Variants in NXPH1 observed in about 807,000 individuals in gnomAD.
NXPH1 encodes the protein neurexophilin-1.
NXPH1 carries 5 observed loss-of-function variants against 23.7 expected under a neutral mutation model. The ratio of observed to expected loss-of-function variants is 0.21; its 90% CI spans 0.11 to 0.44. The LOEUF is 0.44. Ranked by LOEUF, NXPH1 falls within the 20% of genes least tolerant of loss-of-function variation. The probability of loss-of-function intolerance (pLI) is 0.99; values close to 1 mark genes in which losing one functional copy is unlikely to be tolerated. For missense variants in NXPH1, 324 were observed against 321.6 expected, an observed-to-expected ratio of 1.01 and a Z score of -0.06; for synonymous variants, 144 against 122.2, an observed-to-expected ratio of 1.18 and a Z score of -1.18.
intron 2 of NXPH1, among the ~76,000 whole-genome samples, chr7:8,635,430 C>A (rs988610471): frequency 6.6e-6 from 1 of 152,166 alleles, no homozygotes; most frequent in Non-Finnish European, 1.5e-5. Context: ...TGCATTCAAT[C>A]TCTTGGGCAC....
chr7:8,482,289 C>T (rs1817086977), intron 2 of NXPH1, among the ~76,000 whole-genome samples: 1 of 152,162 alleles, frequency 6.6e-6, no homozygotes, highest in Admixed American at 6.5e-5. Context: ...TCTGATTGTG[C>T]CTCAGTGAAT....
At chr7:8,688,811 T>C (rs1821185480) in intron 2 of NXPH1, among the ~76,000 whole-genome samples, 1 of 152,182 alleles carries the variant, frequency 6.6e-6, no homozygotes, top group Non-Finnish European at 1.5e-5. Context: ...AGTTAATAAT[T>C]AGGATTTCAA....
At chr7:8,667,286 G>A (rs1290642101) in intron 2 of NXPH1, among the ~76,000 whole-genome samples, 1 of 151,944 alleles carries the variant, frequency 6.6e-6, no homozygotes, top group Non-Finnish European at 1.5e-5. Context: ...AGATGATTGT[G>A]TGTTATACAT....
chr7:8,742,713 A>T (rs570005497), intron 2 of NXPH1, among the ~76,000 whole-genome samples: 6 of 152,294 alleles, frequency 3.9e-5, no homozygotes, highest in African/African-American at 1.2e-4. Context: ...GCAAGGAAGC[A>T]GGGGTTGATG....
chr7:8,480,154 T>TTTTG (rs1817048986), intron 2 of NXPH1, among the ~76,000 whole-genome samples: 1 of 152,142 alleles, frequency 6.6e-6, no homozygotes, highest in Non-Finnish European at 1.5e-5. Flanking sequence ...TAGGTCTATA[T>TTTTG]TTTGATATAG....
At chr7:8,709,897 T>A (rs191651677) in intron 2 of NXPH1, among the ~76,000 whole-genome samples, 2 of 152,344 alleles carry the variant, frequency 1.3e-5, no homozygotes, top group East Asian at 3.9e-4. Flanking sequence ...AGCCAAGTAG[T>A]TGAACTTACT....
intron 2 of NXPH1, among the ~76,000 whole-genome samples, chr7:8,455,982 C>T (rs1816586627): frequency 6.6e-6 from 1 of 152,110 alleles, no homozygotes; most frequent in South Asian, 2.1e-4. Context: ...CTTGCAAGGT[C>T]ATTAGGCAAT....
intron 2 of NXPH1, among the ~76,000 whole-genome samples, chr7:8,723,387 G>A (rs148901923): frequency 6.6e-6 from 1 of 152,142 alleles, no homozygotes; most frequent in African/African-American, 2.4e-5. Context: ...TAACTTTCTT[G>A]CCACTAAGAG....
chr7:8,632,319 C>T (rs1820148526), intron 2 of NXPH1, among the ~76,000 whole-genome samples: 1 of 152,148 alleles, frequency 6.6e-6, no homozygotes, highest in Non-Finnish European at 1.5e-5. Flanking sequence ...CAGTAGTTTT[C>T]TATCAATATT....
intron 2 of NXPH1, among the ~76,000 whole-genome samples, chr7:8,472,106 T>A (rs1349617103): frequency 6.6e-6 from 1 of 152,122 alleles, no homozygotes; most frequent in Non-Finnish European, 1.5e-5. Flanking sequence ...ATAGGTGATG[T>A]GTCTTCTTTT....
At chr7:8,472,356 C>G (rs1444823506) in intron 2 of NXPH1, among the ~76,000 whole-genome samples, 1 of 152,140 alleles carries the variant, frequency 6.6e-6, no homozygotes, top group Non-Finnish European at 1.5e-5. Flanking sequence ...CTTCAAAGTA[C>G]TTTGATATTC....
intron 2 of NXPH1, among the ~76,000 whole-genome samples, chr7:8,681,761 A>C (rs539623154): frequency 6.6e-6 from 1 of 152,224 alleles, no homozygotes; most frequent in Non-Finnish European, 1.5e-5. Flanking sequence ...CTTGACAAAC[A>C]TCAGGCCTGT....
chr7:8,712,906 G>C (rs376365169), intron 2 of NXPH1, among the ~76,000 whole-genome samples: 4 of 151,914 alleles, frequency 2.6e-5, no homozygotes, highest in African/African-American at 9.7e-5. Context: ...AGTCTTCTTT[G>C]GGTTAAATCT....
chr7:8,690,118 C>T (rs1041448342), intron 2 of NXPH1, among the ~76,000 whole-genome samples: 18 of 152,198 alleles, frequency 1.2e-4, no homozygotes, highest in Admixed American at 1.1e-3. Flanking sequence ...GCAATCTAGA[C>T]TCATACCCCT....
intron 2 of NXPH1, among the ~76,000 whole-genome samples, chr7:8,571,576 A>G (rs1343055867): frequency 6.6e-6 from 1 of 151,836 alleles, no homozygotes; most frequent in East Asian, 1.9e-4. Context: ...ATGTCAAGGA[A>G]GAGTCCCAAA....
chr7:8,611,011 G>T (rs970560572), intron 2 of NXPH1, among the ~76,000 whole-genome samples: 1 of 152,142 alleles, frequency 6.6e-6, no homozygotes, highest in African/African-American at 2.4e-5. Flanking sequence ...AATAGCCATT[G>T]TGGCTGAAAC....
intron 2 of NXPH1, among the ~76,000 whole-genome samples, chr7:8,515,144 T>A (rs1817668135): frequency 5.3e-5 from 8 of 152,240 alleles, no homozygotes; most frequent in Admixed American, 4.6e-4. Flanking sequence ...AATGACCTTT[T>A]AAAGGAATTT....
chr7:8,462,402 A>G (rs965789505), intron 2 of NXPH1, among the ~76,000 whole-genome samples: 33 of 152,360 alleles, frequency 2.2e-4, no homozygotes, highest in African/African-American at 7.7e-4. Context: ...TGTGCTAGGC[A>G]CTTTACAAAT....
At chr7:8,749,863 T>C (rs1008110694) in intron 2 of NXPH1, among the ~76,000 whole-genome samples, 1 of 152,166 alleles carries the variant, frequency 6.6e-6, no homozygotes, top group African/African-American at 2.4e-5. Flanking sequence ...CCTTGATTCT[T>C]CCATGTCAGG....
Sources: allele counts gnomAD v4.1 joint callset (sites outside exome capture counted in the v4.1 genomes callset), GRCh38; gene constraint gnomAD v4.1.1; transcripts MANE v1.5; gene names NCBI Gene and HGNC (gene_info 2026-07-23, HGNC 2026-07-21).